The following DNTT variants were observed in gnomAD, a reference collection of about 807,000 sequenced individuals.
DNTT encodes the protein nucleosidetriphosphate:DNA deoxynucleotidylexotransferase.
In DNTT, 47 loss-of-function variants were observed where a neutral mutation model predicts 60.9. The ratio of observed to expected loss-of-function variants is 0.77; its 90% confidence interval spans 0.61 to 0.98. The LOEUF is 0.98. DNTT is among the 50% of genes least tolerant of loss of function. DNTT has a pLI of 0.00. For missense variants in DNTT, 665 were observed against 627.5 expected, an observed-to-expected ratio of 1.06 and a Z score of -0.64; for synonymous variants, 224 against 221.2, an observed-to-expected ratio of 1.01 and a Z score of -0.11.
intron 8 of DNTT, among the ~76,000 whole-genome samples, chr10:96,331,302 T>A (rs921065358): frequency 6.6e-6 from 1 of 152,208 alleles, no homozygotes; most frequent in African/African-American, 2.4e-5. Flanking sequence ...AGGGACACTG[T>A]CTTTGTCCAT....
At chr10:96,325,097 A>G (rs1844924711) in intron 6 of DNTT, among the ~76,000 whole-genome samples, 1 of 152,192 alleles carries the variant, frequency 6.6e-6, no homozygotes, top group African/African-American at 2.4e-5. Context: ...GCTCCCAGTA[A>G]GTTTTTTAAA....
Position 96,332,554 on chromosome 10 carries a change from C to G in DNTT, c.1317C>G (p.Tyr439Ter), listed in dbSNP as rs757253904. 1 of 1,614,156 alleles carries G rather than the reference C, an allele frequency of 6.2e-7. No individual in the cohort carries two copies. Among genetic ancestry groups the G allele is most frequent in the Non-Finnish European group, 8.5e-7 (1 of 1,179,992 alleles). ...AIRVDLVLCP[Y>*]ERRAFALLGW... ...GTGTGGATTTAGTTCTGTGCCCCTACGAGCGTCGTGCCTTTGCCCTGTTGG... is the reference window on the plus strand; with the variant it reads ...GTGTGGATTTAGTTCTGTGCCCCTAGGAGCGTCGTGCCTTTGCCCTGTTGG... The change falls in exon 9 of 11, where the codon TAC becomes TAG. Residue 439 changes from tyrosine to a stop codon, truncating the protein, a stop_gained. Coordinates refer to ENST00000371174, the MANE Select transcript of DNTT (RefSeq NM_004088.4). LOFTEE classifies it high-confidence loss of function.
At chr10:96,308,793 G>T (rs544342101) in intron 1 of DNTT, among the ~76,000 whole-genome samples, 3 of 152,168 alleles carry the variant, frequency 2.0e-5, no homozygotes, top group Non-Finnish European at 4.4e-5. Flanking sequence ...TCTCAACAAA[G>T]TACATTCTTA....
chr10:96,330,587 T>C (rs1844995900), intron 8 of DNTT, among the ~76,000 whole-genome samples: 2 of 152,222 alleles, frequency 1.3e-5, no homozygotes, highest in Non-Finnish European at 2.9e-5. Context: ...TGGTGTTTTT[T>C]CTTCAAGGCG....
At chr10:96,312,041 A>G (rs185781871) in intron 1 of DNTT, among the ~76,000 whole-genome samples, 40 of 152,374 alleles carry the variant, frequency 2.6e-4, no homozygotes, top group African/African-American at 9.1e-4. Flanking sequence ...TCTGAGATGC[A>G]TAATTTAAAA....
At chr10:96,335,858 G>A (rs1255250458) in intron 9 of DNTT, 33 bp from the exon 10 acceptor site, 3 of 1,608,176 alleles carry the variant, frequency 1.9e-6, no homozygotes, top group Admixed American at 1.7e-5. Context: ...TTCTAGACGT[G>A]TTAATAATTT....
rs773121444 is a variant in DNTT, at chr10:96,320,636, G to T, written c.526G>T (p.Ala176Ser). 3.1e-6 allele frequency: 5 copies of T among 1,613,736 alleles called. No individual in the cohort carries two copies. Among genetic ancestry groups the T allele is most frequent in the South Asian group, 1.1e-5 (1 of 91,060 alleles). ...CCTGCAGGATGCCTTTGATATACTG[G>T]CTGAAAACTGTGAGTTTAGAGAAAA... is the stretch of plus-strand genomic sequence containing the variant. ...QIFTDAFDIL[A>S]ENCEFRENED... Residue 176 changes from alanine to serine, a missense_variant, in exon 4 of 11, where the codon GCT becomes TCT. Transcript: ENST00000371174.
intron 1 of DNTT, among the ~76,000 whole-genome samples, chr10:96,311,887 G>T (rs957318013): frequency 3.9e-5 from 6 of 152,050 alleles, no homozygotes; most frequent in Admixed American, 3.3e-4. Context: ...CAAGTGATTC[G>T]CCCACCTGGG....
chr10:96,320,180 T>C (rs1844849429), intron 3 of DNTT, among the ~76,000 whole-genome samples: 1 of 152,100 alleles, frequency 6.6e-6, no homozygotes, highest in Non-Finnish European at 1.5e-5. Flanking sequence ...TGGCTCTGGG[T>C]CTGTGTGACC....
Position 96,318,526 on chromosome 10 carries a change from TGTAA to T in DNTT, c.378+3_378+6del. The stretch of plus-strand genomic sequence containing the variant: ...AAATGACAGGAAAACACCAGCTTGT[TGTAA>T]GTGTCATGGGTGTGATTTTCACTGT... On this transcript the variant is annotated splice_donor_variant and splice_donor_region_variant and intron_variant, in intron 2 of 10. Coordinates refer to ENST00000371174, the MANE Select transcript of DNTT (RefSeq NM_004088.4). LOFTEE classifies it high-confidence loss of function. 1 of 1,613,010 alleles carries T rather than the reference TGTAA, an allele frequency of 6.2e-7. No homozygotes were observed. Among genetic ancestry groups the T allele is most frequent in the Non-Finnish European group, 8.5e-7 (1 of 1,179,380 alleles).
At position 96,318,368 on chromosome 10, in the gene DNTT, A is replaced by G. The variant is rs1844815698; in HGVS notation, c.220A>G (p.Ile74Val). 1 of 1,612,484 alleles carries G rather than the reference A, an allele frequency of 6.2e-7. No individual in the cohort carries two copies. Among genetic ancestry groups the G allele is most frequent in the East Asian group, 2.2e-5 (1 of 44,846 alleles). Residue 74 changes from isoleucine to valine, a missense_variant, in exon 2 of 11, where the codon ATC becomes GTC. Ile to Val is a conservative substitution (Grantham distance 29). Transcript: ENST00000371174. ...ENELSDSVTH[I>V]VAENNSGSDV... ...ATTTTGCAGTGATTCTGTCACCCAC[A>G]TCGTAGCAGAGAACAACTCGGGTTC...
intron 3 of DNTT, 111 bp from the exon 4 acceptor site, chr10:96,320,507 A>G (rs1564871784): frequency 1.6e-6 from 2 of 1,276,398 alleles, no homozygotes; most frequent in African/African-American, 1.5e-5. Context: ...CCTAGAAGGA[A>G]ACACGCAAGT....
Position 96,304,772 on chromosome 10 carries a change from C to A in DNTT, c.203+72C>A, listed in dbSNP as rs1844614425. On this transcript the variant is annotated intron_variant, in intron 1 of 10. Transcript: ENST00000371174. ...AACAGCTTCTTGGGAACCCAAGGAA[C>A]CTGTGTTTTCTTCCACATGTGGAAG... 5 of 1,506,394 alleles carry A rather than the reference C, an allele frequency of 3.3e-6. No individual in the cohort carries two copies. In the South Asian group the frequency reaches 3.9e-5, roughly 12 times the overall value. The allele number at this position is 1,506,394 out of a possible 1,614,324, so 93.3% of individuals were successfully genotyped here.
At chr10:96,331,604 C>T (rs147032640) in intron 8 of DNTT, among the ~76,000 whole-genome samples, 42 of 152,130 alleles carry the variant, frequency 2.8e-4, no homozygotes, top group African/African-American at 9.6e-4. Context: ...AGGATGAGGA[C>T]GGCACAAGTC....
intron 9 of DNTT, among the ~76,000 whole-genome samples, chr10:96,333,091 C>T (rs1473734803): frequency 6.6e-6 from 1 of 152,168 alleles, no homozygotes; most frequent in African/African-American, 2.4e-5. Context: ...CATTATCCAG[C>T]ATATACAAGG....
At position 96,307,703 on chromosome 10, in the gene DNTT, G is replaced by GTATATATATATATA. The variant is rs1344781767; in HGVS notation, c.203+3004_203+3005insATATATATATATAT. Among the ~76,000 whole-genome samples the GTATATATATATATA allele has an allele frequency of 4.5e-3, 158 of 35,258 alleles. 1 individual carries two copies. The highest frequency in any genetic ancestry group is 0.012 in the African/African-American group (144 of 11,538). The allele number at this position is 35,258 out of a possible 152,430, so 23.1% of individuals were successfully genotyped here. On this transcript the variant is annotated intron_variant, in intron 1 of 10. Coordinates refer to ENST00000371174, the MANE Select transcript of DNTT (RefSeq NM_004088.4). ...TATATATATGTATGTGTGTGTGTGT[G>GTATATATATATATA]TGTATATATATATATATATATATAT...
chr10:96,323,148 C>T (rs192716738), intron 5 of DNTT, among the ~76,000 whole-genome samples: 12 of 152,190 alleles, frequency 7.9e-5, no homozygotes, highest in Admixed American at 3.3e-4. Context: ...TACAAAAATA[C>T]AAAAATTAGG....
At chr10:96,318,247 T>C (rs1430636308) in intron 1 of DNTT, 105 bp from the exon 2 acceptor site, 3 of 1,341,084 alleles carry the variant, frequency 2.2e-6, no homozygotes, top group Non-Finnish European at 2.1e-6. Context: ...AGGTCTAGCA[T>C]GTGTCTTTCT....
In DNTT at chr10:96,310,510, C is replaced by G. The variant is rs548767654; in HGVS notation, c.203+5810C>G. On this transcript the variant is annotated intron_variant, in intron 1 of 10. Transcript: ENST00000371174. ...AGTTTTTCTTGCTCTTTCCCTACCA[C>G]CTTGAGTGCCTTCTCCCTTTACCTC... Among the ~76,000 whole-genome samples, 17 of 152,346 alleles carry G rather than the reference C, an allele frequency of 1.1e-4. No individual in the cohort carries two copies. In the East Asian group the frequency reaches 2.9e-3, roughly 26 times the overall value.
Sources: gnomAD v4.1 joint callset for allele counts (sites outside exome capture counted in the v4.1 genomes callset) on GRCh38, gnomAD v4.1.1 for gene constraint, MANE v1.5 for transcripts, NCBI Gene and HGNC (gene_info 2026-07-23, HGNC 2026-07-21) for gene names.